ULK4: variants seen among roughly 807,000 people sequenced by gnomAD.
ULK4 encodes the protein inactive serine/threonine-protein kinase ULK4.
ULK4 carries 133 observed loss-of-function variants against 160.6 expected under a neutral mutation model. That is an observed-to-expected ratio of 0.83 (90% confidence interval 0.72 to 0.96). ULK4 has a LOEUF of 0.96. Among genes scored for constraint, ULK4 ranks in the 40% least tolerant of loss-of-function variants. ULK4 has a pLI of 0.00. For missense variants in ULK4, 1,580 were observed against 1,499.5 expected (o/e 1.05, Z -0.89); for synonymous variants, 534 against 539.8 (o/e 0.99, Z 0.15).
At chr3:41,252,320 T>A (rs555196410) in intron 35 of ULK4, among the ~76,000 whole-genome samples, 1 of 152,098 alleles carries the variant, frequency 6.6e-6, no homozygotes, top group Non-Finnish European at 1.5e-5. Context: ...AAATGACATA[T>A]GTTGGAATTA....
At chr3:41,312,803 G>A (rs1575422712) in intron 35 of ULK4, among the ~76,000 whole-genome samples, 4 of 152,144 alleles carry the variant, frequency 2.6e-5, no homozygotes, top group Middle Eastern at 3.4e-3. Context: ...GTGAGACCCT[G>A]TCTCAAAAAC....
At chr3:41,330,509 T>C (rs943396423) in intron 35 of ULK4, among the ~76,000 whole-genome samples, 6 of 152,150 alleles carry the variant, frequency 3.9e-5, no homozygotes, top group African/African-American at 1.2e-4. Context: ...CAATGGAGCA[T>C]GGAAATGCAG....
chr3:41,460,675 G>A (rs1159282325), intron 33 of ULK4, among the ~76,000 whole-genome samples: 1 of 152,144 alleles, frequency 6.6e-6, no homozygotes, highest in Non-Finnish European at 1.5e-5. Context: ...ATGGCCCACA[G>A]GAGGCCCCCT....
chr3:41,343,295 C>CTT (rs55691966), intron 35 of ULK4, among the ~76,000 whole-genome samples: 2,016 of 85,272 alleles, frequency 0.024, 259 homozygotes, highest in African/African-American at 0.08. Context: ...AGCCCAAAAA[C>CTT]TTTTTTTTTT....
At chr3:41,392,357 G>T (rs1359590904) in intron 35 of ULK4, among the ~76,000 whole-genome samples, 1 of 152,096 alleles carries the variant, frequency 6.6e-6, no homozygotes, top group African/African-American at 2.4e-5. Context: ...TCCATTAACA[G>T]AAATTAAACA....
At chr3:41,568,349 C>G (rs1189896991) in intron 31 of ULK4, among the ~76,000 whole-genome samples, 1 of 152,180 alleles carries the variant, frequency 6.6e-6, no homozygotes, top group African/African-American at 2.4e-5. Flanking sequence ...AAAATGACAT[C>G]TGAGCAAAGA....
At chr3:41,533,261 T>A (rs1218566466) in intron 32 of ULK4, among the ~76,000 whole-genome samples, 1 of 152,210 alleles carries the variant, frequency 6.6e-6, no homozygotes, top group Non-Finnish European at 1.5e-5. Flanking sequence ...TTAAGTCGCT[T>A]AGCTTTGGAT....
intron 2 of ULK4, among the ~76,000 whole-genome samples, chr3:41,944,459 G>T (rs1373496584): frequency 6.6e-6 from 1 of 152,106 alleles, no homozygotes; most frequent in Admixed American, 6.6e-5. Flanking sequence ...AATTTCAGAT[G>T]TCAGGAGTCA....
intron 32 of ULK4, among the ~76,000 whole-genome samples, chr3:41,532,952 C>T (rs2086372182): frequency 1.3e-5 from 2 of 152,172 alleles, no homozygotes; most frequent in Non-Finnish European, 2.9e-5. Flanking sequence ...ATTCTCTCAA[C>T]CAATAAAATG....
At chr3:41,654,927 G>C (rs544014959) in intron 30 of ULK4, among the ~76,000 whole-genome samples, 2 of 152,310 alleles carry the variant, frequency 1.3e-5, no homozygotes, top group Admixed American at 6.5e-5. Context: ...TACAGACTCA[G>C]AGACTGACTT....
intron 17 of ULK4, among the ~76,000 whole-genome samples, chr3:41,870,755 A>C (rs1697057933): frequency 6.6e-6 from 1 of 152,146 alleles, no homozygotes; most frequent in Admixed American, 6.6e-5. Flanking sequence ...CATGAGGAAG[A>C]TCTCCCTCAT....
At chr3:41,455,699 C>T in intron 33 of ULK4, 104 bp from the exon 34 acceptor site, 2 of 897,872 alleles carry the variant, frequency 2.2e-6, no homozygotes, top group Non-Finnish European at 3.5e-6. Flanking sequence ...GCTGAGGAAG[C>T]ATTCTACCTC....
chr3:41,434,735 T>C (rs1318263326), intron 34 of ULK4, among the ~76,000 whole-genome samples: 2 of 152,356 alleles, frequency 1.3e-5, no homozygotes, highest in East Asian at 3.9e-4. Flanking sequence ...CATTTACTTT[T>C]GGTACCTTGT....
chr3:41,381,109 G>A (rs1332388728), intron 35 of ULK4, among the ~76,000 whole-genome samples: 1 of 152,056 alleles, frequency 6.6e-6, no homozygotes, highest in Non-Finnish European at 1.5e-5. Flanking sequence ...TTATCAGGTC[G>A]CTCACACTCC....
At chr3:41,830,521 C>A (rs1380157471) in intron 18 of ULK4, among the ~76,000 whole-genome samples, 1 of 151,926 alleles carries the variant, frequency 6.6e-6, no homozygotes, top group African/African-American at 2.4e-5. Context: ...GTGATGGTTT[C>A]ATAGGTGTAT....
intron 35 of ULK4, among the ~76,000 whole-genome samples, chr3:41,339,879 T>A (rs1336166584): frequency 1.3e-5 from 2 of 152,234 alleles, no homozygotes; most frequent in South Asian, 4.1e-4. Flanking sequence ...TAATGTCTGA[T>A]GTTTTTCTCA....
chr3:41,709,687 G>T (rs2037024292), intron 25 of ULK4, among the ~76,000 whole-genome samples: 1 of 151,968 alleles, frequency 6.6e-6, no homozygotes, highest in Non-Finnish European at 1.5e-5. Context: ...GCCTGGCCGA[G>T]TTAATTTTTA....
rs559718207 is a variant in ULK4, at chr3:41,609,868, G to A, written c.3120+5801C>T. On this transcript the variant is annotated intron_variant, in intron 31 of 36. Transcript: ENST00000301831. ...ACACCCCTGCAGACACAGCTACTTGGGAAGCTGAGGCAGGAGGATCACTTG... is the reference window on the plus strand; with the variant it reads ...ACACCCCTGCAGACACAGCTACTTGAGAAGCTGAGGCAGGAGGATCACTTG... 1.3e-5 allele frequency among the ~76,000 whole-genome samples: 2 copies of A among 152,102 alleles called. 1 individual carries two copies. The highest frequency in any genetic ancestry group is 4.2e-4 in the South Asian group (2 of 4,810).
At chr3:41,531,160 G>A (rs2086295925) in intron 32 of ULK4, among the ~76,000 whole-genome samples, 1 of 150,280 alleles carries the variant, frequency 6.7e-6, no homozygotes, top group Non-Finnish European at 1.5e-5. Context: ...AATATGTTTT[G>A]GGCCGGGCGC....
Sources: gnomAD v4.1 joint callset for allele counts (sites outside exome capture counted in the v4.1 genomes callset) on GRCh38, gnomAD v4.1.1 for gene constraint, MANE v1.5 for transcripts, NCBI Gene and HGNC (gene_info 2026-07-23, HGNC 2026-07-21) for gene names.